LMO2: variants seen among roughly 807,000 people sequenced by gnomAD.
LMO2 encodes LIM domain only 2.
In LMO2, 20 loss-of-function variants were observed where a neutral mutation model predicts 23.2. That is an observed-to-expected ratio of 0.86 (90% CI 0.61 to 1.25). LMO2 has a LOEUF of 1.25. LMO2 is among the 50% of genes most tolerant of loss of function. The pLI is 0.00. For missense variants in LMO2, 270 were observed against 315.3 expected, an observed-to-expected ratio of 0.86 and a Z score of 1.09; for synonymous variants, 123 against 130.2, an observed-to-expected ratio of 0.94 and a Z score of 0.38.
At chr11:33,872,546 G>C (rs1047583574) in intron 2 of LMO2, among the ~76,000 whole-genome samples, 16 of 152,104 alleles carry the variant, frequency 1.1e-4, no homozygotes, top group African/African-American at 3.6e-4. Flanking sequence ...AATTTTAAAA[G>C]AGCTTGAAAT....
chr11:33,875,306 G>A (rs1176335901), intron 2 of LMO2, among the ~76,000 whole-genome samples: 1 of 152,156 alleles, frequency 6.6e-6, no homozygotes, highest in Non-Finnish European at 1.5e-5. Flanking sequence ...GGCCGGGCGA[G>A]GTGGCTCACG....
chr11:33,869,353 G>A lies in LMO2; in HGVS notation c.241C>T (p.Pro81Ser). The A allele has an allele frequency of 2.5e-6, 3 of 1,209,372 alleles. No homozygotes were observed. Among genetic ancestry groups the A allele is most frequent in the Non-Finnish European group, 2.1e-6 (2 of 964,532 alleles). The allele number at this position is 1,209,372 out of a possible 1,614,324, so 74.9% of individuals were successfully genotyped here. The change falls in exon 4 of 6, where the codon CCT becomes TCT. Residue 81 changes from proline to serine, a missense_variant. This residue lies in a region of LMO2 where 170 missense variants were observed against 162.0 expected (regional missense o/e 1.05). Transcript: ENST00000257818. ...CAGGGGGGCCGCACTTACTCTGAAG[G>A]GTCCAGGCTCTTCCTTTCGATGGCC... ...SSAIERKSLDPSEEPVDEVLQ... is the reference protein window; with the variant it reads ...SSAIERKSLDSSEEPVDEVLQ...
At chr11:33,861,273 TTGC>T (rs1856569516) in intron 5 of LMO2, among the ~76,000 whole-genome samples, 1 of 152,244 alleles carries the variant, frequency 6.6e-6, no homozygotes, top group Non-Finnish European at 1.5e-5. Context: ...AGGTGAATGC[TTGC>T]TCTTATTGGA....
Position 33,861,538 on chromosome 11 carries a change from G to A in LMO2, c.465-1963C>T, listed in dbSNP as rs191418715. 1.5e-3 allele frequency among the ~76,000 whole-genome samples: 230 copies of A among 152,286 alleles called. 1 individual carries two copies. The highest frequency in any genetic ancestry group is 5.0e-3 in the African/African-American group (206 of 41,550). ...GGGAGCAAACTCATTACTGGGGGGA[G>A]AACATTTTATCCCAACGTAGCAGAT... On this transcript the variant is annotated intron_variant, in intron 5 of 5. Coordinates refer to ENST00000257818, the MANE Select transcript of LMO2 (RefSeq NM_005574.4).
intron 2 of LMO2, among the ~76,000 whole-genome samples, chr11:33,873,383 A>AAATAACTG (rs1399195853): frequency 8.5e-5 from 13 of 152,224 alleles, no homozygotes; most frequent in Non-Finnish European, 1.5e-4. Flanking sequence ...TGGTTGTAAG[A>AAATAACTG]AATAACTGCC....
chr11:33,885,289 T>C (rs1857379445), intron 1 of LMO2, among the ~76,000 whole-genome samples: 1 of 152,182 alleles, frequency 6.6e-6, no homozygotes, highest in Non-Finnish European at 1.5e-5. Context: ...TGTGTGGGCC[T>C]AGGAAGATAC....
At chr11:33,859,687 C>CGACCTTCCCTGGCTTCCTG in intron 5 of LMO2, 112 bp from the exon 6 acceptor site, 1 of 928,860 alleles carries the variant, frequency 1.1e-6, no homozygotes, top group Non-Finnish European at 1.6e-6. Flanking sequence ...GTCAGGAAGC[C>CGACCTTCCCTGGCTTCCTG]AGGGAAGGTC....
At chr11:33,863,741 T>A (rs534704558) in intron 5 of LMO2, among the ~76,000 whole-genome samples, 3 of 152,354 alleles carry the variant, frequency 2.0e-5, no homozygotes, top group African/African-American at 7.2e-5. Flanking sequence ...GCCCAGAGCA[T>A]GGGAGATGTC....
chr11:33,874,233 G>T (rs1857086740), intron 2 of LMO2, among the ~76,000 whole-genome samples: 1 of 152,184 alleles, frequency 6.6e-6, no homozygotes, highest in South Asian at 2.1e-4. Context: ...AGGCCTATTA[G>T]TAACCTTAGT....
Position 33,864,870 on chromosome 11 carries a change from CGAGG to C in LMO2, c.249-57_249-54del. On this transcript the variant is annotated intron_variant, in intron 4 of 5. Transcript: ENST00000257818. The surrounding 1 kb of genome is among the most constrained non-coding windows in gnomAD (Gnocchi z 4.8). Reference sequence around the variant, plus strand: ...AGCCTCACCAGAGTGAGACCAGCACCGAGGGTCCGAGATCGTTTTGGGCCAGACA... The same window carrying C: ...AGCCTCACCAGAGTGAGACCAGCACCGTCCGAGATCGTTTTGGGCCAGACA... 1 of 1,540,084 alleles carries C rather than the reference CGAGG, an allele frequency of 6.5e-7. No homozygotes were observed. Among genetic ancestry groups the C allele is most frequent in the Non-Finnish European group, 8.9e-7 (1 of 1,119,730 alleles).
At position 33,869,691 on chromosome 11, in the gene LMO2, C is replaced by T. The variant is rs1374515857; in HGVS notation, c.7+19G>A. ...TGGCTCCAGGCGGCTGCAGCTGCTG[C>T]TGCTGCTCAGGACTTAACCTTCCAT... On this transcript the variant is annotated intron_variant, in intron 3 of 5. Coordinates refer to ENST00000257818, the MANE Select transcript of LMO2 (RefSeq NM_005574.4). 5 of 1,283,364 alleles carry T rather than the reference C, an allele frequency of 3.9e-6. No individual in the cohort carries two copies. The African/African-American group carries it at 6.3e-5, about 16-fold the overall frequency. The allele number at this position is 1,283,364 out of a possible 1,614,324, so 79.5% of individuals were successfully genotyped here.
chr11:33,864,518 A>C lies in LMO2; in HGVS notation c.464+84T>G. 8.9e-7 allele frequency: 1 copy of C among 1,118,838 alleles called. No individual in the cohort carries two copies. Among genetic ancestry groups the C allele is most frequent in the Non-Finnish European group, 1.3e-6 (1 of 775,100 alleles). 69.3% of individuals were successfully genotyped at this position (1,118,838 alleles called of 1,614,324 possible). A position where few individuals can be genotyped will look rare whatever the true frequency, so the allele number is the denominator to read the frequency against. On this transcript the variant is annotated intron_variant, in intron 5 of 5. Transcript: ENST00000257818. This position sits in a 1 kb window ranked among gnomAD's most constrained non-coding sequence, Gnocchi z 4.8. ...GTGGTGTCCGAGCCTGGAGCAGGGT[A>C]AGGGGCAACACACACCGACTGCAGA...
At position 33,880,230 on chromosome 11, in the gene LMO2, T is replaced by TATATATCATATATACACATG. The variant is rs1565034656; in HGVS notation, c.-272+1593_-272+1594insCATGTGTATATATGATATAT. 1.1e-4 allele frequency among the ~76,000 whole-genome samples: 16 copies of TATATATCATATATACACATG among 143,752 alleles called. No homozygotes were observed. The East Asian group carries it at 2.2e-3, about 20-fold the overall frequency. The allele number at this position is 143,752 out of a possible 152,430, so 94.3% of individuals were successfully genotyped here. A position where few individuals can be genotyped will look rare whatever the true frequency, so the allele number is the denominator to read the frequency against. On this transcript the variant is annotated intron_variant, in intron 2 of 5. Coordinates refer to ENST00000257818, the MANE Select transcript of LMO2 (RefSeq NM_005574.4). This position sits in a 1 kb window ranked among gnomAD's most constrained non-coding sequence, Gnocchi z 4.3. ...ATATATATATCATATATACACATGATATATATATCATATATACACATGATA... is the reference window on the plus strand; with the variant it reads ...ATATATATATCATATATACACATGATATATATCATATATACACATGATATATATCATATATACACATGATA...
Position 33,862,298 on chromosome 11 carries a change from G to A in LMO2, c.464+2304C>T, listed in dbSNP as rs570142169. On this transcript the variant is annotated intron_variant, in intron 5 of 5. Transcript: ENST00000257818. ...CCATGTCTGTCACTGGTTAAGGTCC[G>A]TTGGGGGTCTAGTTGGGGCAGGCAT... 3.9e-5 allele frequency among the ~76,000 whole-genome samples: 6 copies of A among 152,320 alleles called. No homozygotes were observed. The South Asian group carries it at 6.2e-4, about 16-fold the overall frequency.
Position 33,864,535 on chromosome 11 carries a change from G to T in LMO2, c.464+67C>A. On this transcript the variant is annotated intron_variant, in intron 5 of 5. Coordinates refer to ENST00000257818, the MANE Select transcript of LMO2 (RefSeq NM_005574.4). The surrounding 1 kb of genome is among the most constrained non-coding windows in gnomAD (Gnocchi z 4.8). ...AGCAGGGTAAGGGGCAACACACACCGACTGCAGATGTCCATGGACCACCCA... is the reference window on the plus strand; with the variant it reads ...AGCAGGGTAAGGGGCAACACACACCTACTGCAGATGTCCATGGACCACCCA... 1 of 1,342,314 alleles carries T rather than the reference G, an allele frequency of 7.4e-7. No individual in the cohort carries two copies. Among genetic ancestry groups the T allele is most frequent in the Non-Finnish European group, 1.0e-6 (1 of 963,464 alleles). The allele number at this position is 1,342,314 out of a possible 1,614,324, so 83.2% of individuals were successfully genotyped here.
intron 2 of LMO2, among the ~76,000 whole-genome samples, chr11:33,871,328 A>G (rs1370043086): frequency 6.6e-6 from 1 of 151,822 alleles, no homozygotes; most frequent in Non-Finnish European, 1.5e-5. Flanking sequence ...TCGGTGGCTC[A>G]TGCTTGTGAT....
At chr11:33,863,998 G>A (rs1856679487) in intron 5 of LMO2, among the ~76,000 whole-genome samples, 1 of 152,158 alleles carries the variant, frequency 6.6e-6, no homozygotes, top group Admixed American at 6.5e-5. Context: ...TAAATAACTT[G>A]CCCAAGGCCA....
At chr11:33,868,865 G>A (rs955184667) in intron 4 of LMO2, among the ~76,000 whole-genome samples, 8 of 152,242 alleles carry the variant, frequency 5.3e-5, no homozygotes, top group African/African-American at 2.4e-5. Flanking sequence ...GCTGGCAGCG[G>A]CTCCACCTGC....
Position 33,864,544 on chromosome 11 carries a change from T to C in LMO2, c.464+58A>G. ...AGGGGCAACACACACCGACTGCAGA[T>C]GTCCATGGACCACCCAGCCTCCCTT... On this transcript the variant is annotated intron_variant, in intron 5 of 5. Coordinates refer to ENST00000257818, the MANE Select transcript of LMO2 (RefSeq NM_005574.4). The surrounding 1 kb of genome is among the most constrained non-coding windows in gnomAD (Gnocchi z 4.8). 2.1e-6 allele frequency: 3 copies of C among 1,436,296 alleles called. No individual in the cohort carries two copies. The highest frequency in any genetic ancestry group is 2.9e-6 in the Non-Finnish European group (3 of 1,041,244). The allele number at this position is 1,436,296 out of a possible 1,614,324, so 89.0% of individuals were successfully genotyped here.
Sources: allele counts gnomAD v4.1 joint callset (sites outside exome capture counted in the v4.1 genomes callset), GRCh38; gene constraint gnomAD v4.1.1; regional missense constraint gnomAD v4.1.1; non-coding constraint Gnocchi (gnomAD v3.1); transcripts MANE v1.5; gene names NCBI Gene and HGNC (gene_info 2026-07-23, HGNC 2026-07-21).